The following CBFA2T3 variants were observed in gnomAD, a reference collection of about 807,000 sequenced individuals.
CBFA2T3 encodes the protein CBFA2/RUNX1 partner transcriptional co-repressor 3.
In CBFA2T3, 31 loss-of-function variants were observed where a neutral mutation model predicts 58.6. That is an observed-to-expected ratio of 0.53 (90% CI 0.40 to 0.71). The LOEUF (loss-of-function observed/expected upper bound fraction) is 0.71. CBFA2T3 is among the 30% of genes least tolerant of loss of function. CBFA2T3 has a pLI of 0.00. For synonymous variants in CBFA2T3, 531 were observed against 421.9 expected (o/e 1.26, Z -3.17); for missense variants, 1,076 against 963.1 (o/e 1.12, Z -1.55).
intron 10 of CBFA2T3, chr16:88,879,883 AGCT>A (rs1404512253): frequency 5.6e-6 from 1 of 177,436 alleles, no homozygotes; most frequent in Non-Finnish European, 1.2e-5. Flanking sequence ...GAGCCGGGGG[AGCT>A]GCTGCTGACC....
At chr16:88,935,781 C>A (rs1170572446) in intron 1 of CBFA2T3, among the ~76,000 whole-genome samples, 1 of 152,242 alleles carries the variant, frequency 6.6e-6, no homozygotes, top group Admixed American at 6.5e-5. Context: ...GGTGTCCCCC[C>A]AGAAAAGGGA....
At chr16:88,906,581 C>T (rs1173090849) in intron 1 of CBFA2T3, among the ~76,000 whole-genome samples, 2 of 152,226 alleles carry the variant, frequency 1.3e-5, no homozygotes, top group South Asian at 2.1e-4. Context: ...GGCTCAGCAG[C>T]GCCAGAAAGG....
chr16:88,938,385 A>G (rs1567622134), intron 1 of CBFA2T3: 1 of 150,788 alleles, frequency 6.6e-6, no homozygotes, highest in Non-Finnish European at 1.5e-5. Context: ...GGGCCTGGAG[A>G]CACTCGCTGC....
chr16:88,899,646 C>A (rs1426754627), intron 2 of CBFA2T3, among the ~76,000 whole-genome samples: 2 of 152,182 alleles, frequency 1.3e-5, no homozygotes, highest in African/African-American at 2.4e-5. Flanking sequence ...ATCAGACCGG[C>A]ACCTTCCAAG....
chr16:88,882,917 G>A (rs766864863), intron 7 of CBFA2T3, among the ~76,000 whole-genome samples, 156 bp from the exon 8 acceptor site: 4 of 152,242 alleles, frequency 2.6e-5, no homozygotes, highest in East Asian at 1.9e-4. Flanking sequence ...CTTGGTGACC[G>A]TGGAGGATGC....
intron 1 of CBFA2T3, among the ~76,000 whole-genome samples, chr16:88,942,207 A>G (rs910670378): frequency 5.9e-5 from 9 of 152,000 alleles, no homozygotes; most frequent in East Asian, 1.9e-4. Context: ...GCCTTTCCCT[A>G]AAGTACTTTG....
chr16:88,916,157 T>C lies in CBFA2T3; in HGVS notation c.152-14501A>G, dbSNP rs918162087. Among the ~76,000 whole-genome samples the C allele has an allele frequency of 2.0e-5, 3 of 152,056 alleles. No individual in the cohort carries two copies. The East Asian group carries it at 5.8e-4, about 29-fold the overall frequency. On this transcript the variant is annotated intron_variant, in intron 1 of 11. Transcript: ENST00000268679. Reference sequence around the variant, plus strand: ...GTGTACATGTGGGTGTGTGTGCATGTGTATTCATGCGTGTATTCATGTGTG... The same window carrying C: ...GTGTACATGTGGGTGTGTGTGCATGCGTATTCATGCGTGTATTCATGTGTG...
At chr16:88,974,538 C>A (rs1308938493) in intron 1 of CBFA2T3, among the ~76,000 whole-genome samples, 7 of 152,178 alleles carry the variant, frequency 4.6e-5, no homozygotes, top group Admixed American at 1.3e-4. Context: ...CTGCCCGCCA[C>A]CAAACGCGCA....
At chr16:88,941,615 G>T (rs1255948754) in intron 1 of CBFA2T3, among the ~76,000 whole-genome samples, 1 of 146,204 alleles carries the variant, frequency 6.8e-6, no homozygotes, top group Non-Finnish European at 1.5e-5. Flanking sequence ...AGGGGGCGAC[G>T]GGCGCGCCGC....
chr16:88,896,646 G>A (rs113723747), intron 3 of CBFA2T3, among the ~76,000 whole-genome samples: 3 of 152,216 alleles, frequency 2.0e-5, no homozygotes, highest in Admixed American at 1.3e-4. Flanking sequence ...AGCCAGGCCA[G>A]GAGATGGCCC....
chr16:88,896,184 C>T (rs1969880114), intron 3 of CBFA2T3, among the ~76,000 whole-genome samples: 1 of 152,190 alleles, frequency 6.6e-6, no homozygotes, highest in Admixed American at 6.5e-5. Context: ...AGATATGGCA[C>T]AAAACCTTGA....
intron 1 of CBFA2T3, among the ~76,000 whole-genome samples, chr16:88,922,646 A>C (rs1970958914): frequency 6.6e-6 from 1 of 152,156 alleles, no homozygotes; most frequent in African/African-American, 2.4e-5. Flanking sequence ...AATGCCCGGG[A>C]CAGCAGCCAA....
rs1419846475 is a variant in CBFA2T3, at chr16:88,885,204, G to A, written c.959C>T (p.Thr320Ile). The A allele has an allele frequency of 1.9e-6, 3 of 1,598,792 alleles. No individual in the cohort carries two copies. Among genetic ancestry groups the A allele is most frequent in the Non-Finnish European group, 1.7e-6 (2 of 1,170,570 alleles). The change falls in exon 7 of 12, where the codon ACC (threonine) becomes ATC (isoleucine). Residue 320 changes from threonine (T) to isoleucine (I), a missense_variant. Thr to Ile is a moderately conservative substitution (Grantham distance 89). Transcript: ENST00000268679. The surrounding 1 kb of genome is among the most constrained non-coding windows in gnomAD (Gnocchi z 5.3). ...GCTGTAGCGCTGGGCAGGGTTCAGG[G>A]TGCATGGCCGTTTGCTGAGGTGCTC... The part of the protein sequence containing the change: ...HPEHLSKRPC[T>I]LNPAQRYSPS...
intron 4 of CBFA2T3, 50 bp from the exon 5 acceptor site, chr16:88,892,021 C>T: frequency 9.4e-6 from 14 of 1,497,046 alleles, no homozygotes; most frequent in Non-Finnish European, 1.3e-5. Flanking sequence ...GCATGTGAGC[C>T]AGCGCCGACC....
chr16:88,951,297 A>T (rs1250509363), intron 1 of CBFA2T3: 1 of 456,590 alleles, frequency 2.2e-6, no homozygotes, highest in Admixed American at 2.4e-5. Flanking sequence ...TGGCACCAGC[A>T]CAGAGGGTCG....
At chr16:88,973,776 C>T (rs908699292) in intron 1 of CBFA2T3, among the ~76,000 whole-genome samples, 9 of 152,160 alleles carry the variant, frequency 5.9e-5, no homozygotes, top group South Asian at 2.1e-4. Context: ...CCAGGCTGAC[C>T]GCAGGCTCTG....
At chr16:88,946,789 T>C (rs1971915074) in intron 1 of CBFA2T3, among the ~76,000 whole-genome samples, 1 of 151,874 alleles carries the variant, frequency 6.6e-6, no homozygotes, top group Non-Finnish European at 1.5e-5. Flanking sequence ...CTGAGTTTTT[T>C]TGTTTGTTTA....
intron 1 of CBFA2T3, among the ~76,000 whole-genome samples, chr16:88,932,269 C>T (rs1971337469): frequency 6.7e-6 from 1 of 149,736 alleles, no homozygotes; most frequent in African/African-American, 2.5e-5. Context: ...CCCACTTCCC[C>T]ATCCCGGAAA....
At chr16:88,946,569 G>C (rs1567627826) in intron 1 of CBFA2T3, among the ~76,000 whole-genome samples, 1 of 151,714 alleles carries the variant, frequency 6.6e-6, no homozygotes, top group Non-Finnish European at 1.5e-5. Context: ...TGCAACCTCT[G>C]CCTCCCGGGT....
Sources: gnomAD v4.1 joint callset for allele counts (sites outside exome capture counted in the v4.1 genomes callset) on GRCh38, gnomAD v4.1.1 for gene constraint, Gnocchi (gnomAD v3.1) non-coding constraint, MANE v1.5 for transcripts, NCBI Gene and HGNC (gene_info 2026-07-23, HGNC 2026-07-21) for gene names.